Variants in ANO10 observed in about 807,000 individuals in gnomAD.
ANO10 encodes the protein anoctamin 10.
A neutral mutation model predicts 74.7 loss-of-function variants in ANO10; 77 were observed. That is an observed-to-expected ratio of 1.03 (90% confidence interval 0.86 to 1.25). The LOEUF (loss-of-function observed/expected upper bound fraction) is 1.25. Among genes scored for constraint, ANO10 ranks in the 50% most tolerant of loss-of-function variants. The pLI is 0.00. For synonymous variants in ANO10, 279 were observed against 284.9 expected (o/e 0.98, Z 0.21); for missense variants, 721 against 778.1 (o/e 0.93, Z 0.87).
intron 1 of ANO10, among the ~76,000 whole-genome samples, chr3:43,681,839 T>C (rs1184046365): frequency 6.6e-6 from 1 of 152,144 alleles, no homozygotes; most frequent in Non-Finnish European, 1.5e-5. Context: ...ACTGGGTACA[T>C]AACGAAATGA....
chr3:43,434,403 G>A (rs2093036370), intron 11 of ANO10, among the ~76,000 whole-genome samples: 1 of 152,222 alleles, frequency 6.6e-6, no homozygotes, highest in African/African-American at 2.4e-5. Flanking sequence ...AGGCTATGCT[G>A]TACTGTTATT....
chr3:43,667,768 T>C (rs1679564799), intron 1 of ANO10, among the ~76,000 whole-genome samples: 1 of 152,178 alleles, frequency 6.6e-6, no homozygotes, highest in African/African-American at 2.4e-5. Context: ...CAAAAGACAT[T>C]ATTTTGTTCC....
chr3:43,426,738 G>T (rs1352342006), intron 12 of ANO10, among the ~76,000 whole-genome samples: 1 of 152,228 alleles, frequency 6.6e-6, no homozygotes, highest in Non-Finnish European at 1.5e-5. Context: ...AAATAAAAGG[G>T]CATCACTAGG....
intron 9 of ANO10, among the ~76,000 whole-genome samples, chr3:43,557,851 T>C (rs972330355): frequency 8.6e-5 from 13 of 151,048 alleles, no homozygotes; most frequent in Admixed American, 7.9e-4. Context: ...TGGTGGCTCA[T>C]CCCAACACTT....
intron 11 of ANO10, among the ~76,000 whole-genome samples, chr3:43,459,870 C>A (rs1474152833): frequency 6.6e-6 from 1 of 152,136 alleles, no homozygotes; most frequent in Non-Finnish European, 1.5e-5. Context: ...AAAACAGGCA[C>A]AGAGAAGTTA....
At chr3:43,551,719 T>C (rs1316375184) in intron 10 of ANO10, 1 of 347,330 alleles carries the variant, frequency 2.9e-6, no homozygotes, top group African/African-American at 2.2e-5. Flanking sequence ...TTTGCACAGA[T>C]GTCTATTTTA....
At chr3:43,544,514 T>C (rs1300120306) in intron 11 of ANO10, among the ~76,000 whole-genome samples, 1 of 151,952 alleles carries the variant, frequency 6.6e-6, no homozygotes, top group Admixed American at 6.6e-5. Flanking sequence ...GAATCAGGGC[T>C]GGGTATGGTG....
At chr3:43,423,842 G>A (rs1481634989) in intron 12 of ANO10, among the ~76,000 whole-genome samples, 3 of 152,196 alleles carry the variant, frequency 2.0e-5, no homozygotes, top group Non-Finnish European at 2.9e-5. Context: ...CCTGGCTCAT[G>A]TTCTCACACA....
intron 3 of ANO10, among the ~76,000 whole-genome samples, chr3:43,599,576 T>G (rs1559763478): frequency 1.3e-5 from 2 of 152,206 alleles, no homozygotes; most frequent in African/African-American, 4.8e-5. Context: ...TATAGTTAAT[T>G]TCTTTTTACA....
At chr3:43,669,669 T>G (rs921245758) in intron 1 of ANO10, among the ~76,000 whole-genome samples, 2 of 152,174 alleles carry the variant, frequency 1.3e-5, no homozygotes, top group Admixed American at 6.5e-5. Context: ...GAGTGGCAAC[T>G]TCTAAGATCT....
rs1005838314 is a variant in ANO10 at position 43,607,356 on chromosome 3, C to A, written c.-11-1493G>T. On this transcript the variant is annotated intron_variant, in intron 1 of 12. Coordinates refer to ENST00000292246, the MANE Select transcript of ANO10 (RefSeq NM_018075.5). ...GTCTAAAAAAAAAAAACAAAACAAA[C>A]AAACAAAAAAAAAACCAAGGCAATG... Among the ~76,000 whole-genome samples the A allele has an allele frequency of 2.1e-4, 31 of 149,874 alleles. No individual in the cohort carries two copies. The South Asian group carries it at 5.7e-3, about 28-fold the overall frequency.
chr3:43,438,015 G>A (rs1383666651), intron 11 of ANO10, among the ~76,000 whole-genome samples: 3 of 152,114 alleles, frequency 2.0e-5, no homozygotes, highest in African/African-American at 7.2e-5. Context: ...TGAGCTATAA[G>A]AGGTCACAGG....
intron 7 of ANO10, among the ~76,000 whole-genome samples, chr3:43,567,199 A>G (rs939877662): frequency 4.2e-4 from 64 of 152,230 alleles, no homozygotes; most frequent in Non-Finnish European, 1.8e-4. Flanking sequence ...GACCAAATCT[A>G]CATCTGATTG....
At chr3:43,542,771 G>A (rs780202944) in intron 11 of ANO10, among the ~76,000 whole-genome samples, 11 of 152,106 alleles carry the variant, frequency 7.2e-5, no homozygotes, top group East Asian at 3.9e-4. Flanking sequence ...TAAAGATAAC[G>A]AAAGTTTCAT....
intron 1 of ANO10, chr3:43,653,157 G>C (rs1011902075): frequency 3.9e-5 from 6 of 152,064 alleles, no homozygotes; most frequent in African/African-American, 1.4e-4. Flanking sequence ...GTTGCAGTGA[G>C]CCAAGATCAC....
chr3:43,524,404 C>T (rs1182821199), intron 11 of ANO10, among the ~76,000 whole-genome samples: 1 of 83,768 alleles, frequency 1.2e-5, no homozygotes, highest in African/African-American at 3.9e-5. Context: ...TGAGAGCTGT[C>T]TATAAGTGGT....
At chr3:43,616,948 G>A (rs144038126) in intron 1 of ANO10, among the ~76,000 whole-genome samples, 1 of 151,650 alleles carries the variant, frequency 6.6e-6, no homozygotes, top group East Asian at 1.9e-4. Flanking sequence ...CATGCAGCAG[G>A]GTTATGGATG....
chr3:43,493,560 C>G (rs1364982157), intron 11 of ANO10, among the ~76,000 whole-genome samples: 2 of 151,518 alleles, frequency 1.3e-5, no homozygotes, highest in African/African-American at 4.9e-5. Context: ...AAAAAAGGAC[C>G]ATTAGCTCTT....
intron 11 of ANO10, among the ~76,000 whole-genome samples, chr3:43,471,436 C>T (rs962761995): frequency 2.0e-5 from 3 of 152,104 alleles, no homozygotes; most frequent in East Asian, 1.9e-4. Flanking sequence ...GTCCCTCTGC[C>T]GCAGAGGAGG....
Sources: gnomAD v4.1 joint callset for allele counts (sites outside exome capture counted in the v4.1 genomes callset) on GRCh38, gnomAD v4.1.1 for gene constraint, MANE v1.5 for transcripts, NCBI Gene and HGNC (gene_info 2026-07-23, HGNC 2026-07-21) for gene names.